Variants in ARHGEF9 observed in about 807,000 individuals in gnomAD.
ARHGEF9 encodes Cdc42 guanine nucleotide exchange factor 9, also known as rho guanine nucleotide exchange factor 9.
Under a neutral mutation model 41.3 loss-of-function variants are expected in ARHGEF9, and 2 were observed. The ratio of observed to expected loss-of-function variants is 0.05; its 90% CI spans 0.02 to 0.15. ARHGEF9 has a LOEUF of 0.15. ARHGEF9 is among the 10% of genes least tolerant of loss of function. The pLI, the probability that ARHGEF9 is intolerant of heterozygous loss-of-function variation, is 1.00. For synonymous variants in ARHGEF9, 160 were observed against 154.4 expected (o/e 1.04, Z -0.27); for missense variants, 225 against 424.7 (o/e 0.53, Z 4.13).
chrX:63,683,062 T>C (rs1171771085), intron 4 of ARHGEF9, among the ~76,000 whole-genome samples: 2 of 109,775 alleles, frequency 1.8e-5, no homozygotes, highest in African/African-American at 6.6e-5. Context: ...GGAGATAAGA[T>C]GATTATATAT....
chrX:63,688,353 T>C (rs1413165317), intron 4 of ARHGEF9, among the ~76,000 whole-genome samples: 1 of 112,101 alleles, frequency 8.9e-6, no homozygotes, highest in East Asian at 2.8e-4. Context: ...ACAGAAGATT[T>C]GTCTTACATG....
chrX:63,713,701 TACACAC>T (rs59012226), intron 2 of ARHGEF9, among the ~76,000 whole-genome samples: 1 of 94,284 alleles, frequency 1.1e-5, no homozygotes, highest in Non-Finnish European at 2.1e-5. Context: ...CCACTTCACA[TACACAC>T]ACACACACAC....
intron 4 of ARHGEF9, among the ~76,000 whole-genome samples, chrX:63,685,575 A>G (rs188926019): frequency 1.1e-3 from 121 of 112,231 alleles, no homozygotes; most frequent in Admixed American, 8.9e-3. Context: ...CTTGCTATGA[A>G]CCTATATTAA....
intron 2 of ARHGEF9, among the ~76,000 whole-genome samples, chrX:63,711,056 G>T (rs1556406599): frequency 9.0e-6 from 1 of 111,383 alleles, no homozygotes; most frequent in Non-Finnish European, 1.9e-5. Context: ...TTAAGAAAAT[G>T]ATCACATTTA....
chrX:63,671,412 G>A (rs2049951190), intron 6 of ARHGEF9: 1 of 112,245 alleles, frequency 8.9e-6, no homozygotes, highest in Non-Finnish European at 1.9e-5. Context: ...CTGGGATTTG[G>A]ATGACCTCCC....
intron 1 of ARHGEF9, chrX:63,755,815 C>G (rs2055911861): frequency 1.3e-6 from 1 of 748,308 alleles, no homozygotes; most frequent in Admixed American, 8.7e-5. Flanking sequence ...TTGGCTTTCC[C>G]TGATACCACT....
At chrX:63,705,881 G>A (rs2052508877) in intron 3 of ARHGEF9, among the ~76,000 whole-genome samples, 1 of 111,507 alleles carries the variant, frequency 9.0e-6, no homozygotes, top group African/African-American at 3.3e-5. Context: ...CTGGCTTGGC[G>A]GGAGATGCAT....
At chrX:63,734,585 C>T (rs1190780320) in intron 1 of ARHGEF9, among the ~76,000 whole-genome samples, 1 of 111,918 alleles carries the variant, frequency 8.9e-6, no homozygotes, top group Non-Finnish European at 1.9e-5. Flanking sequence ...TCTTACTGCA[C>T]TGGGCCACTC....
chrX:63,761,275 G>A (rs1556449535), intron 1 of ARHGEF9, among the ~76,000 whole-genome samples: 1 of 112,155 alleles, frequency 8.9e-6, no homozygotes, highest in African/African-American at 3.2e-5. Flanking sequence ...CCAAGAAGCA[G>A]AGGCTGGACT....
intron 2 of ARHGEF9, among the ~76,000 whole-genome samples, chrX:63,724,165 G>A (rs1463920773): frequency 1.8e-5 from 2 of 110,557 alleles, no homozygotes; most frequent in African/African-American, 6.6e-5. Context: ...GAAATAGAAA[G>A]CAGAAAAAAG....
chrX:63,649,149 T>C (rs1289016221), intron 8 of ARHGEF9, among the ~76,000 whole-genome samples: 12 of 111,842 alleles, frequency 1.1e-4, no homozygotes, highest in African/African-American at 3.9e-4. Flanking sequence ...AGAATATACA[T>C]TCTTCTCAGC....
intron 3 of ARHGEF9, among the ~76,000 whole-genome samples, chrX:63,703,817 T>A (rs1263259006): frequency 6.3e-5 from 7 of 111,346 alleles, no homozygotes; most frequent in African/African-American, 2.3e-4. Flanking sequence ...CTTAGAGAAG[T>A]CTCAAGAAGA....
At chrX:63,778,605 T>C (rs1201352511) in intron 1 of ARHGEF9, among the ~76,000 whole-genome samples, 1 of 112,546 alleles carries the variant, frequency 8.9e-6, no homozygotes, top group African/African-American at 3.2e-5. Flanking sequence ...GCTTCCCTTT[T>C]CAACATAAGT....
At chrX:63,732,665 C>A (rs111752074) in intron 1 of ARHGEF9, among the ~76,000 whole-genome samples, 1,943 of 111,350 alleles carry the variant, frequency 0.017, 17 homozygotes, top group Non-Finnish European at 0.026. Context: ...CCAACCTTTA[C>A]CTCTAACAAG....
At chrX:63,752,318 G>A (rs1159955734) in intron 1 of ARHGEF9, among the ~76,000 whole-genome samples, 2 of 107,402 alleles carry the variant, frequency 1.9e-5, no homozygotes, top group Admixed American at 1.0e-4. Context: ...ACCCACCGAG[G>A]AGGAAAAAAA....
At chrX:63,738,046 C>T (rs2054721801) in intron 1 of ARHGEF9, among the ~76,000 whole-genome samples, 1 of 112,085 alleles carries the variant, frequency 8.9e-6, no homozygotes, top group African/African-American at 3.2e-5. Flanking sequence ...AATGAAGTAA[C>T]TGTTGAAGTT....
chrX:63,677,083 G>A (rs1168044243), intron 5 of ARHGEF9, among the ~76,000 whole-genome samples: 1 of 111,663 alleles, frequency 9.0e-6, no homozygotes, highest in African/African-American at 3.3e-5. Flanking sequence ...GAGGGGGAAT[G>A]TGCCCATCTC....
intron 1 of ARHGEF9, chrX:63,767,212 G>T (rs1314531455): frequency 3.3e-6 from 2 of 607,860 alleles, no homozygotes; most frequent in Non-Finnish European, 5.6e-6. Flanking sequence ...TAAGGAGACT[G>T]GCTGAAGCTC....
rs539557252 is a variant in ARHGEF9 at position 63,735,722 on chromosome X, C to T, written c.31-11011G>A. Among the ~76,000 whole-genome samples the T allele has an allele frequency of 2.7e-5, 3 of 111,983 alleles. No homozygotes were observed. In the East Asian group the frequency reaches 8.4e-4, roughly 32 times the overall value. On this transcript the variant is annotated intron_variant, in intron 1 of 9. Transcript: ENST00000671741. Reference sequence around the variant, plus strand: ...TTTCAATTAACTGAAACCACCTTTACGTCTACTGAGCATGCCCAGCAAGGA... The same window carrying T: ...TTTCAATTAACTGAAACCACCTTTATGTCTACTGAGCATGCCCAGCAAGGA...
Sources: gnomAD v4.1 joint callset for allele counts (sites outside exome capture counted in the v4.1 genomes callset) on GRCh38, gnomAD v4.1.1 for gene constraint, MANE v1.5 for transcripts, NCBI Gene and HGNC (gene_info 2026-07-23, HGNC 2026-07-21) for gene names.